The following SCAND3 variants were observed in gnomAD, a reference collection of about 807,000 sequenced individuals.
The protein encoded by SCAND3 is SCAN domain-containing protein 3.
the SCAND3 span, among the ~76,000 whole-genome samples, chr6:28,608,969 G>A: frequency 3.4e-3 from 516 of 152,076 alleles, 3 homozygotes; most frequent in African/African-American, 0.011. Context: ...CTCCAGCCTC[G>A]GAAAACAGAG....
At chr6:28,603,436 A>C in the SCAND3 span, among the ~76,000 whole-genome samples, 132 of 152,240 alleles carry the variant, frequency 8.7e-4, no homozygotes, top group Non-Finnish European at 1.6e-3. Flanking sequence ...TCTTTGCAGA[A>C]ATCTATACAT....
the SCAND3 span, among the ~76,000 whole-genome samples, chr6:28,588,998 AAG>A: frequency 6.6e-6 from 1 of 152,220 alleles, no homozygotes; most frequent in African/African-American, 2.4e-5. This position sits in a 1 kb window ranked among gnomAD's most constrained non-coding sequence, Gnocchi z 4.1. Context: ...AAAATTAGTT[AAG>A]ACAGCTTCCT....
chr6:28,600,937 T>G, the SCAND3 span, among the ~76,000 whole-genome samples: 2 of 142,562 alleles, frequency 1.4e-5, no homozygotes, highest in Middle Eastern at 7.4e-3. Flanking sequence ...AGTCTCACTC[T>G]GTCGTCCAGG....
the SCAND3 span, among the ~76,000 whole-genome samples, chr6:28,584,827 CTG>C: frequency 1.3e-5 from 2 of 152,236 alleles, no homozygotes; most frequent in Non-Finnish European, 2.9e-5. Context: ...CAGTTTAACA[CTG>C]TGGAAAGTAC....
At chr6:28,600,416 T>C in the SCAND3 span, among the ~76,000 whole-genome samples, 1 of 152,186 alleles carries the variant, frequency 6.6e-6, no homozygotes, top group Non-Finnish European at 1.5e-5. Context: ...GCGGACTACT[T>C]GAGGCCAGGA....
At chr6:28,615,860 G>A in the SCAND3 span, among the ~76,000 whole-genome samples, 4 of 152,160 alleles carry the variant, frequency 2.6e-5, no homozygotes, top group African/African-American at 9.7e-5. Context: ...GTCATCTCCA[G>A]AAGATGTTTA....
the SCAND3 span, among the ~76,000 whole-genome samples, chr6:28,604,564 C>T: frequency 1.4e-3 from 211 of 149,616 alleles, 4 homozygotes; most frequent in East Asian, 0.033. Flanking sequence ...TGCAGCGAGT[C>T]GAGATCATGC....
the SCAND3 span, chr6:28,576,224 G>A: frequency 1.0e-6 from 1 of 999,260 alleles, no homozygotes; most frequent in Non-Finnish European, 1.4e-6. Flanking sequence ...AGTGCTTGAG[G>A]TAGAAGTAGG....
chr6:28,608,441 C>G, the SCAND3 span, among the ~76,000 whole-genome samples: 11 of 152,168 alleles, frequency 7.2e-5, no homozygotes, highest in Middle Eastern at 6.8e-3. Flanking sequence ...AGGCTGGTCC[C>G]CAACACATGT....
chr6:28,597,786 T>G, the SCAND3 span: 1 of 152,334 alleles, frequency 6.6e-6, no homozygotes, highest in South Asian at 2.1e-4. Context: ...CTTCTCCTGA[T>G]GAGAACATCT....
At chr6:28,574,990 C>G in the SCAND3 span, 1 of 1,613,734 alleles carries the variant, frequency 6.2e-7, no homozygotes. Flanking sequence ...ACTGTCTGTT[C>G]CAGTCTCAAT....
At chr6:28,607,200 G>A in the SCAND3 span, among the ~76,000 whole-genome samples, 5 of 152,178 alleles carry the variant, frequency 3.3e-5, no homozygotes, top group Admixed American at 2.0e-4. Context: ...CATGTACGAG[G>A]TCCCGGGTTC....
At chr6:28,585,474 T>G in the SCAND3 span, among the ~76,000 whole-genome samples, 1 of 152,328 alleles carries the variant, frequency 6.6e-6, no homozygotes, top group East Asian at 1.9e-4. Context: ...TACTCTGAAT[T>G]CAGCTACTCC....
the SCAND3 span, among the ~76,000 whole-genome samples, chr6:28,603,596 A>T: frequency 6.6e-6 from 1 of 151,370 alleles, no homozygotes; most frequent in African/African-American, 2.4e-5. Context: ...AATTTGGGAA[A>T]TTTTCCAGGT....
At chr6:28,574,050 T>C in the SCAND3 span, among the ~76,000 whole-genome samples, 2 of 152,140 alleles carry the variant, frequency 1.3e-5, no homozygotes, top group Admixed American at 1.3e-4. Flanking sequence ...TGGGGACCTA[T>C]TGTGTTTGAC....
the SCAND3 span, among the ~76,000 whole-genome samples, chr6:28,603,503 G>A: frequency 1.3e-5 from 2 of 152,100 alleles, no homozygotes; most frequent in Non-Finnish European, 2.9e-5. Context: ...GTTTCAGTAT[G>A]AGGTGTGTAG....
chr6:28,602,105 A>G, the SCAND3 span, among the ~76,000 whole-genome samples: 1 of 152,256 alleles, frequency 6.6e-6, no homozygotes, highest in Admixed American at 6.5e-5. Context: ...TGATCTGTAT[A>G]GGTCCTTTGG....
the SCAND3 span, chr6:28,579,169 C>T: frequency 2.9e-6 from 3 of 1,041,700 alleles, no homozygotes; most frequent in Non-Finnish European, 4.2e-6. This position sits in a 1 kb window ranked among gnomAD's most constrained non-coding sequence, Gnocchi z 4.5. Context: ...ACTATTAATA[C>T]ATTCAGTAGA....
the SCAND3 span, chr6:28,575,282 G>T: frequency 6.2e-7 from 1 of 1,613,990 alleles, no homozygotes; most frequent in Non-Finnish European, 8.5e-7. The surrounding 1 kb of genome is among the most constrained non-coding windows in gnomAD (Gnocchi z 4.2). Flanking sequence ...TCCTCAGTTT[G>T]TTCTGCAGAA....
Sources: gnomAD v4.1 joint callset for allele counts (sites outside exome capture counted in the v4.1 genomes callset) on GRCh38, gnomAD v4.1.1 for gene constraint, Gnocchi (gnomAD v3.1) non-coding constraint, MANE v1.5 for transcripts, NCBI Gene and HGNC (gene_info 2026-07-23, HGNC 2026-07-21) for gene names.